The following ITGA2B variants were observed in gnomAD, a reference collection of about 807,000 sequenced individuals.
ITGA2B encodes integrin alpha-IIb.
A neutral mutation model predicts 142.0 loss-of-function variants in ITGA2B; 91 were observed. That is an observed-to-expected ratio of 0.64 (90% CI 0.54 to 0.76). The LOEUF (loss-of-function observed/expected upper bound fraction) is 0.76, where lower values mean the gene tolerates loss of function less well. Ranked by LOEUF, ITGA2B falls within the 30% of genes least tolerant of loss-of-function variation. The probability of loss-of-function intolerance (pLI) is 0.00; values close to 1 mark genes in which losing one functional copy is unlikely to be tolerated. For synonymous variants in ITGA2B, 536 were observed against 567.2 expected (o/e 0.94, Z 0.78); for missense variants, 1,231 against 1,350.8 (o/e 0.91, Z 1.39).
At position 44,380,213 on chromosome 17, in the gene ITGA2B, C is replaced by G. The variant is rs200966875; in HGVS notation, c.1600+33G>C. ...GGCCAGCCTCCGGGGGAGTCCAAGCCCACCTCCCTCCTGCCCCCTTCATGC... is the reference window on the plus strand; with the variant it reads ...GGCCAGCCTCCGGGGGAGTCCAAGCGCACCTCCCTCCTGCCCCCTTCATGC... On this transcript the variant is annotated intron_variant, in intron 16 of 29. Transcript: ENST00000262407. The G allele has an allele frequency of 1.4e-4, 225 of 1,614,098 alleles. 4 individuals are homozygous for G. In the Admixed American group the frequency reaches 3.7e-3, roughly 26 times the overall value.
chr17:44,386,275 G>GC lies in ITGA2B; in HGVS notation c.189-145_189-144insG, dbSNP rs2048649224. ...TCAATGACACCTCACAGACCACCGT[G>GC]ATGTACTTCTTCATCTTATGGACAG... On this transcript the variant is annotated intron_variant, in intron 1 of 29. Transcript: ENST00000262407. The GC allele has an allele frequency of 1.3e-5, 17 of 1,271,696 alleles. No homozygotes were observed. The South Asian group carries it at 2.3e-4, about 17-fold the overall frequency. The allele number at this position is 1,271,696 out of a possible 1,614,324, so 78.8% of individuals were successfully genotyped here.
rs1567905284 is a variant in ITGA2B at position 44,385,227 on chromosome 17, A to G, written c.625-18T>C. ...TCTCCGGCCTGGAAGGGAAGTCCTG[A>G]GGGTGAGAGGGGGCCCTGTTTGGGA... On this transcript the variant is annotated intron_variant, in intron 5 of 29. Coordinates refer to ENST00000262407, the MANE Select transcript of ITGA2B (RefSeq NM_000419.5). The G allele has an allele frequency of 6.2e-7, 1 of 1,613,906 alleles. No homozygotes were observed. Among genetic ancestry groups the G allele is most frequent in the Non-Finnish European group, 8.5e-7 (1 of 1,179,998 alleles).
intron 23 of ITGA2B, 28 bp downstream of exon 23, chr17:44,376,280 T>A: frequency 1.2e-6 from 2 of 1,613,934 alleles, no homozygotes; most frequent in Non-Finnish European, 8.5e-7. Flanking sequence ...CTGAATGCCA[T>A]CTCCCTTCTC....
intron 11 of ITGA2B, 52 bp from the exon 12 acceptor site, chr17:44,383,756 C>T: frequency 1.3e-6 from 2 of 1,551,728 alleles, no homozygotes; most frequent in South Asian, 1.2e-5. Flanking sequence ...TATATTGGGG[C>T]TAGGGCCAAA....
At chr17:44,389,214 C>T (rs1297269604) in intron 1 of ITGA2B, 72 bp downstream of exon 1, 10 of 1,546,296 alleles carry the variant, frequency 6.5e-6, no homozygotes, top group Admixed American at 1.7e-5. Flanking sequence ...ATGGGAAACT[C>T]GAAGCCCCCA....
intron 10 of ITGA2B, 61 bp from the exon 11 acceptor site, chr17:44,384,007 G>T: frequency 1.2e-6 from 2 of 1,613,442 alleles, no homozygotes; most frequent in Non-Finnish European, 8.5e-7. Context: ...TAAGAAATGG[G>T]CCCTCACCTC....
In ITGA2B at chr17:44,389,277, AC is replaced by A. The variant is rs560275529; in HGVS notation, c.188+8del. On this transcript the variant is annotated splice_region_variant and intron_variant, in intron 1 of 29. Transcript: ENST00000262407. ...CTCTCCCAATACCCCAACTTCCCTT[AC>A]GGCTCACCTCCCATGGCTGTCCTTG... The A allele has an allele frequency of 2.7e-5, 43 of 1,614,044 alleles. No homozygotes were observed. The South Asian group carries it at 4.2e-4, about 16-fold the overall frequency.
In ITGA2B at chr17:44,385,200, G is replaced by C. The variant is rs1164794353; in HGVS notation, c.634C>G (p.Leu212Val). 5 of 1,613,952 alleles carry C rather than the reference G, an allele frequency of 3.1e-6. No individual in the cohort carries two copies. The highest frequency in any genetic ancestry group is 1.7e-5 in the Admixed American group (1 of 60,010). Reference protein sequence around the residue: ...FSSVVTQAGELVLGAPGGYYF... With the variant: ...FSSVVTQAGEVVLGAPGGYYF... ...TAGCCGCCAGGAGCCCCAAGCACCA[G>C]CTCTCCGGCCTGGAAGGGAAGTCCT... The change falls in exon 6 of 30, where the codon CTG becomes GTG. Residue 212 changes from leucine (L) to valine (V), a missense_variant. By Grantham distance (32) the Leu-to-Val change is conservative (BLOSUM62 1). This residue lies in a region of ITGA2B where 318 missense variants were observed against 312.2 expected (regional missense o/e 1.02). Coordinates refer to ENST00000262407, the MANE Select transcript of ITGA2B (RefSeq NM_000419.5).
chr17:44,386,572 T>G (rs890233759), intron 1 of ITGA2B, among the ~76,000 whole-genome samples: 3 of 152,078 alleles, frequency 2.0e-5, no homozygotes, highest in Non-Finnish European at 4.4e-5. Context: ...ACCTCTAAAG[T>G]GGGGCTGGAG....
intron 26 of ITGA2B, 30 bp downstream of exon 26, chr17:44,375,561 G>C: frequency 6.2e-7 from 1 of 1,611,756 alleles, no homozygotes; most frequent in South Asian, 1.1e-5. Context: ...TCCCGGGGAG[G>C]CCGGGCCAGA....
Position 44,374,684 on chromosome 17 carries a change from A to G in ITGA2B, c.2918T>C (p.Leu973Pro), listed in dbSNP as rs1459919216. ...VSSLPYAVPP[L>P]SLPRGEAQVW... ...CTGAGCTTCCCCTCGGGGCAGGCTGAGCGGGGGCACCGCATAGGGGAGGGA... is the reference window on the plus strand; with the variant it reads ...CTGAGCTTCCCCTCGGGGCAGGCTGGGCGGGGGCACCGCATAGGGGAGGGA... Residue 973 changes from leucine to proline, a missense_variant, in exon 28 of 30, where the codon CTC becomes CCC. Around this residue, in one of 3 missense-constraint regions of ITGA2B, gnomAD observed 908 missense variants for 1,021.1 expected, o/e 0.89. Transcript: ENST00000262407. 2 of 1,613,940 alleles carry G rather than the reference A, an allele frequency of 1.2e-6. No homozygotes were observed. The highest frequency in any genetic ancestry group is 2.2e-5 in the South Asian group (2 of 91,066).
chr17:44,388,818 C>T (rs374312405), intron 1 of ITGA2B, among the ~76,000 whole-genome samples: 60,423 of 131,896 alleles, frequency 0.46, 15,208 homozygotes, highest in Middle Eastern at 0.57. Flanking sequence ...TGCCTGGTCT[C>T]TTTTTTTTTT....
In ITGA2B at chr17:44,380,450, G is replaced by T. The variant is rs1598379891; in HGVS notation, c.1480C>A (p.Gln494Lys). Residue 494 changes from glutamine to lysine, a missense_variant, in exon 15 of 30, where the codon CAA becomes AAA. Transcript: ENST00000262407. ...VVKASVQLLV[Q>K]DSLNPAVKSC... ...TTCACAGCAGGATTCAGTGAATCTT[G>T]CACCAGTAGCTGGACAGAGGCCTTC... 6.2e-7 allele frequency: 1 copy of T among 1,614,128 alleles called. No individual in the cohort carries two copies. Among genetic ancestry groups the T allele is most frequent in the East Asian group, 2.2e-5 (1 of 44,878 alleles).
chr17:44,387,826 CAAAAAAAAAAAAA>C (rs980395817), intron 1 of ITGA2B, among the ~76,000 whole-genome samples: 2 of 24,558 alleles, frequency 8.1e-5, no homozygotes, highest in African/African-American at 2.7e-4. Context: ...AACCCCATCT[CAAAAAAAAAAAAA>C]AAAAAAAAAA....
Position 44,380,021 on chromosome 17 carries a change from G to A in ITGA2B, c.1733C>T (p.Thr578Ile). 1 of 1,613,662 alleles carries A rather than the reference G, an allele frequency of 6.2e-7. No homozygotes were observed. The highest frequency in any genetic ancestry group is 8.5e-7 in the Non-Finnish European group (1 of 1,180,036). Residue 578 changes from threonine (T) to isoleucine (I), a missense_variant, in exon 17 of 30, where the codon ACC (threonine) becomes ATC (isoleucine). Around this residue, in one of 3 missense-constraint regions of ITGA2B, gnomAD observed 908 missense variants for 1,021.1 expected, o/e 0.89. Transcript: ENST00000262407. ...GCGTACTCGAAGGAAGGCCATGGTG[G>A]TGTGGCAGATGGGGCTGTGCTTTCC... Reference protein sequence around the residue: ...LGGKHSPICHTTMAFLRDEAD... With the variant: ...LGGKHSPICHITMAFLRDEAD...
chr17:44,374,844 G>A (rs1454575382), intron 27 of ITGA2B, 84 bp from the exon 28 acceptor site: 2 of 1,354,848 alleles, frequency 1.5e-6, no homozygotes, highest in Non-Finnish European at 1.0e-6. Context: ...CCCCGGCGGG[G>A]AAGCCCTGCC....
In ITGA2B at chr17:44,375,724, G is replaced by T. The variant is rs750446064; in HGVS notation, c.2602-8C>A. The T allele has an allele frequency of 3.8e-6, 6 of 1,572,182 alleles. No individual in the cohort carries two copies. The highest frequency in any genetic ancestry group is 1.9e-5 in the Admixed American group (1 of 52,352). On this transcript the variant is annotated splice_region_variant and splice_polypyrimidine_tract_variant and intron_variant, in intron 25 of 29. Transcript: ENST00000262407. ...GGGCAGCCCCCAGTCCACCTGGGGG[G>T]GCAAAGGAGTGGTCAGGCCCAGGTC... is the stretch of plus-strand genomic sequence containing the variant.
chr17:44,381,063 T>C lies in ITGA2B; in HGVS notation c.1211-2A>G, dbSNP rs1567902806. 6.2e-7 allele frequency: 1 copy of C among 1,613,006 alleles called. No individual in the cohort carries two copies. Among genetic ancestry groups the C allele is most frequent in the Non-Finnish European group, 8.5e-7 (1 of 1,179,522 alleles). On this transcript the variant is annotated splice_acceptor_variant, in intron 12 of 29. Transcript: ENST00000262407. LOFTEE classifies it high-confidence loss of function. ...CGTAGGGGGCAGCCACTGCAATGTC[T>C]GGAAGGAGTAACAGAAAGGAAGTGG...
At chr17:44,385,781 C>T (rs776635271) in intron 3 of ITGA2B, 43 bp downstream of exon 3, 1 of 1,611,222 alleles carries the variant, frequency 6.2e-7, no homozygotes, top group East Asian at 2.2e-5. Flanking sequence ...CCCAGGTGTC[C>T]CTGCCCCCGA....
Sources: allele counts gnomAD v4.1 joint callset (sites outside exome capture counted in the v4.1 genomes callset), GRCh38; gene constraint gnomAD v4.1.1; regional missense constraint gnomAD v4.1.1; transcripts MANE v1.5; gene names NCBI Gene and HGNC (gene_info 2026-07-23, HGNC 2026-07-21).